Variants in KDM3B observed in about 807,000 individuals in gnomAD.
KDM3B encodes lysine-specific demethylase 3B.
KDM3B carries 10 observed loss-of-function variants against 170.0 expected under a neutral mutation model. The ratio of observed to expected loss-of-function variants is 0.06; its 90% CI spans 0.04 to 0.10. KDM3B has a LOEUF of 0.10. KDM3B is among the 10% of genes least tolerant of loss of function. The pLI is 1.00. For synonymous variants in KDM3B, 831 were observed against 834.8 expected, an observed-to-expected ratio of 1.00 and a Z score of 0.08; for missense variants, 1,394 against 2,195.2, an observed-to-expected ratio of 0.64 and a Z score of 7.29.
In KDM3B at chr5:138,352,870, G is replaced by T; in HGVS notation, c.75G>T (p.Ser25=). 1 of 1,376,930 alleles carries T rather than the reference G, an allele frequency of 7.3e-7. No homozygotes were observed. The highest frequency in any genetic ancestry group is 9.4e-7 in the Non-Finnish European group (1 of 1,062,024). The allele number at this position is 1,376,930 out of a possible 1,614,324, so 85.3% of individuals were successfully genotyped here. ...TCGCGGACACTGCGGCCTCAGCCTC[G>T]GCCTCGGCTCCCGCGGCGGCAGCGG... is the stretch of plus-strand genomic sequence containing the variant. The part of the protein sequence containing the change: ...LLFADTAASA[S]ASAPAAAAAS... Residue 25 remains serine (S), a synonymous_variant, in exon 1 of 24, where the codon TCG becomes TCT. Coordinates refer to ENST00000314358, the MANE Select transcript of KDM3B (RefSeq NM_016604.4).
At chr5:138,386,664 C>T (rs780199170) in intron 7 of KDM3B, 43 bp downstream of exon 7, 1 of 1,576,110 alleles carries the variant, frequency 6.3e-7, no homozygotes, top group Admixed American at 1.8e-5. Context: ...TGGGTTTACT[C>T]TTTCGCCCTC....
intron 1 of KDM3B, among the ~76,000 whole-genome samples, chr5:138,355,528 G>C (rs1280874672): frequency 6.6e-6 from 1 of 152,190 alleles, no homozygotes. Flanking sequence ...AAGCCATGCT[G>C]ACAAATTACT....
chr5:138,386,489 C>T lies in KDM3B; in HGVS notation c.1248C>T (p.Gly416=). 1.9e-6 allele frequency: 3 copies of T among 1,614,212 alleles called. No homozygotes were observed. The highest frequency in any genetic ancestry group is 2.5e-6 in the Non-Finnish European group (3 of 1,180,048). The change falls in exon 7 of 24, where the codon GGC becomes GGT. Residue 416 remains glycine (G), a synonymous_variant. Coordinates refer to ENST00000314358, the MANE Select transcript of KDM3B (RefSeq NM_016604.4). ...AGKTLEQVGQ[G]IVASAAVVTT... is the part of the protein sequence containing the mutation. ...AAACACTGGAACAAGTTGGCCAGGG[C>T]ATAGTGGCTTCCGCAGCTGTGGTCA...
At position 138,426,750 on chromosome 5, in the gene KDM3B, G is replaced by A. The variant is rs923885338; in HGVS notation, c.4412-225G>A. 1.8e-5 allele frequency: 8 copies of A among 441,048 alleles called. No homozygotes were observed. In the East Asian group the frequency reaches 3.2e-4, roughly 18 times the overall value. 27.3% of individuals were successfully genotyped at this position (441,048 alleles called of 1,614,324 possible). A position where few individuals can be genotyped will look rare whatever the true frequency, so the allele number is the denominator to read the frequency against. ...TACTAAAAATACAAAAATTAGCCAG[G>A]CGTGGTGGTGGTTGCCTGTAATCCC... is the stretch of plus-strand genomic sequence containing the variant. On this transcript the variant is annotated intron_variant, in intron 17 of 23. Transcript: ENST00000314358.
rs1425116784 is a variant in KDM3B, at chr5:138,391,613, T to G, written c.1981T>G (p.Ser661Ala). The part of the protein sequence containing the change: ...SFASQASGSS[S>A]SATTVTSKVA... ...TGCATCTCAGGCATCAGGTAGCTCC[T>G]CTTCTGCTACCACTGTCACCTCCAA... Residue 661 changes from serine to alanine, a missense_variant, in exon 8 of 24, where the codon TCT becomes GCT. By Grantham distance (99) the Ser-to-Ala change is moderately conservative. Around this residue, in one of 19 missense-constraint regions of KDM3B, gnomAD observed 294 missense variants for 311.7 expected, o/e 0.94. Transcript: ENST00000314358. The surrounding 1 kb of genome is among the most constrained non-coding windows in gnomAD (Gnocchi z 5.0). The G allele has an allele frequency of 6.2e-7, 1 of 1,614,142 alleles. No homozygotes were observed. The highest frequency in any genetic ancestry group is 8.5e-7 in the Non-Finnish European group (1 of 1,180,024).
Position 138,398,324 on chromosome 5 carries a change from A to G in KDM3B, c.2978A>G (p.Asn993Ser). 6.2e-7 allele frequency: 1 copy of G among 1,614,088 alleles called. No individual in the cohort carries two copies. Among genetic ancestry groups the G allele is most frequent in the Non-Finnish European group, 8.5e-7 (1 of 1,179,998 alleles). Residue 993 changes from asparagine (N) to serine (S), a missense_variant, in exon 10 of 24, where the codon AAT (asparagine) becomes AGT (serine). Asn to Ser is a conservative substitution (Grantham distance 46). Around this residue, in one of 19 missense-constraint regions of KDM3B, gnomAD observed 76 missense variants for 190.2 expected, o/e 0.40. Coordinates refer to ENST00000314358, the MANE Select transcript of KDM3B (RefSeq NM_016604.4). ...GAGACCTCAAAATACATCCTGGCCAATGTTGGGGACCAGTTCTGCCAGCTC... is the reference window on the plus strand; with the variant it reads ...GAGACCTCAAAATACATCCTGGCCAGTGTTGGGGACCAGTTCTGCCAGCTC... ...DLETSKYILANVGDQFCQLVM... is the reference protein window; with the variant it reads ...DLETSKYILASVGDQFCQLVM...
In KDM3B at chr5:138,419,213, G is replaced by A. The variant is rs763479710; in HGVS notation, c.3696G>A (p.Lys1232=). Reference sequence around the variant, plus strand: ...GGTTGGCAGATTTAGCAACTCAGAAGGCTAAAGAAGAAACAAAAGGTGAGA... The same window carrying A: ...GGTTGGCAGATTTAGCAACTCAGAAAGCTAAAGAAGAAACAAAAGGTGAGA... ...LHWLADLATQ[K]AKEETKEAGS... The change falls in exon 14 of 24, where the codon AAG becomes AAA. Residue 1232 remains lysine (K), a synonymous_variant. Transcript: ENST00000314358. The A allele has an allele frequency of 1.2e-6, 2 of 1,613,466 alleles. No individual in the cohort carries two copies. The highest frequency in any genetic ancestry group is 1.7e-6 in the Non-Finnish European group (2 of 1,179,496).
rs767540590 is a variant in KDM3B at position 138,381,606 on chromosome 5, GC to G, written c.780+17del. Reference sequence around the variant, plus strand: ...TCAAAGCGAGGTACAGTAATGGACTGCATTCCTGAGCAGACTCATGAGCTTG... The same window carrying G: ...TCAAAGCGAGGTACAGTAATGGACTGATTCCTGAGCAGACTCATGAGCTTG... On this transcript the variant is annotated intron_variant, in intron 6 of 23. Transcript: ENST00000314358. 9.6e-6 allele frequency: 14 copies of G among 1,461,110 alleles called. No homozygotes were observed. The highest frequency in any genetic ancestry group is 1.3e-5 in the Non-Finnish European group (14 of 1,040,362). The allele number at this position is 1,461,110 out of a possible 1,614,324, so 90.5% of individuals were successfully genotyped here. A position where few individuals can be genotyped will look rare whatever the true frequency, so the allele number is the denominator to read the frequency against.
chr5:138,405,287 C>T (rs550018138), intron 11 of KDM3B, among the ~76,000 whole-genome samples: 16 of 151,758 alleles, frequency 1.1e-4, no homozygotes, highest in African/African-American at 3.6e-4. Context: ...GTGATCCACC[C>T]GCCCCAGCCT....
At chr5:138,417,375 T>A in intron 12 of KDM3B, 108 bp from the exon 13 acceptor site, 2 of 1,096,184 alleles carry the variant, frequency 1.8e-6, no homozygotes, top group Non-Finnish European at 2.6e-6. Flanking sequence ...GCTACGTTAT[T>A]GAAATGTGGT....
rs761392811 is a variant in KDM3B, at chr5:138,431,408, C to CG, written c.5071-17_5071-16insG. On this transcript the variant is annotated splice_polypyrimidine_tract_variant and intron_variant, in intron 22 of 23. Transcript: ENST00000314358. ...TCTAATGTCTGATATTTCTCCTCTG[C>CG]ACTTTGCCCTTCTCAGGTTCACAAT... 6.3e-7 allele frequency: 1 copy of CG among 1,576,928 alleles called. No individual in the cohort carries two copies. Among genetic ancestry groups the CG allele is most frequent in the Admixed American group, 1.8e-5 (1 of 55,818 alleles).
chr5:138,377,942 C>A, intron 4 of KDM3B, 117 bp downstream of exon 4: 1 of 523,922 alleles, frequency 1.9e-6, no homozygotes, highest in Non-Finnish European at 3.2e-6. Context: ...TTTTTGTGGG[C>A]AGAGTCAGAT....
At chr5:138,399,068 T>C (rs1293462172) in intron 10 of KDM3B, among the ~76,000 whole-genome samples, 1 of 151,320 alleles carries the variant, frequency 6.6e-6, no homozygotes, top group Non-Finnish European at 1.5e-5. Context: ...TTTTGTGTTT[T>C]TAGTAGGGAC....
At chr5:138,406,551 G>T (rs1762826511) in intron 11 of KDM3B, among the ~76,000 whole-genome samples, 1 of 152,180 alleles carries the variant, frequency 6.6e-6, no homozygotes, top group African/African-American at 2.4e-5. Flanking sequence ...GGAGGCTGAG[G>T]CAGGAGAATC....
Position 138,425,452 on chromosome 5 carries a change from G to A in KDM3B, c.4281G>A (p.Glu1427=). 1 of 1,614,154 alleles carries A rather than the reference G, an allele frequency of 6.2e-7. No individual in the cohort carries two copies. The highest frequency in any genetic ancestry group is 1.3e-5 in the African/African-American group (1 of 75,036). ...VSGVHKKLKS[E]LWKPEAFSQE... Reference sequence around the variant, plus strand: ...GGGTACATAAAAAGCTCAAGTCTGAGCTCTGGAAGCCAGAAGCCTTTAGCC... The same window carrying A: ...GGGTACATAAAAAGCTCAAGTCTGAACTCTGGAAGCCAGAAGCCTTTAGCC... Residue 1427 remains glutamate, a synonymous_variant, in exon 17 of 24, where the codon GAG becomes GAA. Transcript: ENST00000314358.
intron 1 of KDM3B, among the ~76,000 whole-genome samples, chr5:138,354,910 G>A (rs1761413128): frequency 6.6e-6 from 1 of 152,210 alleles, no homozygotes; most frequent in African/African-American, 2.4e-5. Context: ...AGAGCCTTTA[G>A]ATTTTTTCAC....
intron 1 of KDM3B, among the ~76,000 whole-genome samples, chr5:138,365,593 G>A (rs1761724268): frequency 6.6e-6 from 1 of 151,674 alleles, no homozygotes; most frequent in Admixed American, 6.6e-5. Context: ...TCTTTTAACT[G>A]GGTTATTACT....
chr5:138,435,561 G>T (rs1763652495), intron 23 of KDM3B, 59 bp from the exon 24 acceptor site: 4 of 1,355,460 alleles, frequency 3.0e-6, no homozygotes, highest in Admixed American at 1.8e-5. Context: ...TACAGTCAAG[G>T]TAGAACGTAC....
In KDM3B at chr5:138,357,655, C is replaced by T. The variant is rs1399553704; in HGVS notation, c.192+4668C>T. Among the ~76,000 whole-genome samples, 7 of 151,348 alleles carry T rather than the reference C, an allele frequency of 4.6e-5. No individual in the cohort carries two copies. The South Asian group carries it at 1.5e-3, about 32-fold the overall frequency. Reference sequence around the variant, plus strand: ...GATTACAGGCGTGAGCCACCATGCCCAGCCAACATTTTTGTTTATTTTTAC... The same window carrying T: ...GATTACAGGCGTGAGCCACCATGCCTAGCCAACATTTTTGTTTATTTTTAC... On this transcript the variant is annotated intron_variant, in intron 1 of 23. Coordinates refer to ENST00000314358, the MANE Select transcript of KDM3B (RefSeq NM_016604.4).
Sources: gnomAD v4.1 joint callset for allele counts (sites outside exome capture counted in the v4.1 genomes callset) on GRCh38, gnomAD v4.1.1 for gene constraint, gnomAD v4.1.1 regional missense constraint, Gnocchi (gnomAD v3.1) non-coding constraint, MANE v1.5 for transcripts, NCBI Gene and HGNC (gene_info 2026-07-23, HGNC 2026-07-21) for gene names.